The following BMPR1B variants were observed in gnomAD, a reference collection of about 807,000 sequenced individuals.
BMPR1B encodes bone morphogenetic protein receptor type-1B.
A neutral mutation model predicts 59.1 loss-of-function variants in BMPR1B; 12 were observed. The ratio of observed to expected loss-of-function variants is 0.20; its 90% CI spans 0.13 to 0.33. The LOEUF is 0.33. BMPR1B is among the 10% of genes least tolerant of loss of function. The probability of loss-of-function intolerance (pLI) is 1.00; values close to 1 mark genes in which losing one functional copy is unlikely to be tolerated. For missense variants in BMPR1B, 550 were observed against 610.9 expected, an observed-to-expected ratio of 0.90 and a Z score of 1.05; for synonymous variants, 237 against 207.3, an observed-to-expected ratio of 1.14 and a Z score of -1.23.
intron 1 of BMPR1B, among the ~76,000 whole-genome samples, chr4:94,780,682 C>CTTTTTTTTTTTT (rs869117575): frequency 2.4e-5 from 2 of 82,342 alleles, no homozygotes; most frequent in African/African-American, 5.1e-5. Context: ...GTATTATTGT[C>CTTTTTTTTTTTT]TTTTTTTTTT....
At chr4:95,011,591 C>T (rs765276703) in intron 3 of BMPR1B, among the ~76,000 whole-genome samples, 13 of 152,130 alleles carry the variant, frequency 8.5e-5, no homozygotes, top group Admixed American at 2.6e-4. Context: ...CAAGTACCTT[C>T]CTTAAGCAGC....
At chr4:94,813,657 G>A (rs776596586) in intron 1 of BMPR1B, among the ~76,000 whole-genome samples, 5 of 152,186 alleles carry the variant, frequency 3.3e-5, no homozygotes, top group Non-Finnish European at 5.9e-5. Flanking sequence ...GTTGTAAAAG[G>A]ATAGGTTGAG....
At chr4:94,847,740 A>G (rs933487156) in intron 1 of BMPR1B, among the ~76,000 whole-genome samples, 2 of 149,446 alleles carry the variant, frequency 1.3e-5, no homozygotes, top group Admixed American at 1.3e-4. Flanking sequence ...AATTTAAACA[A>G]CTGAACTTGT....
In BMPR1B at chr4:94,850,946, A is replaced by G. The variant is rs371430549; in HGVS notation, c.-182-24885A>G. On this transcript the variant is annotated intron_variant, in intron 1 of 12. Coordinates refer to ENST00000515059, the MANE Select transcript of BMPR1B (RefSeq NM_001203.3). ...TACTTGTGTGGCTGTGGCTAGTGCA[A>G]TGACTGGCATGTGCCCTGTAAATGT... Among the ~76,000 whole-genome samples the G allele has an allele frequency of 6.3e-4, 96 of 152,326 alleles. 1 individual carries two copies. In the South Asian group the frequency reaches 0.018, roughly 29 times the overall value.
At chr4:94,847,098 G>A (rs1042778532) in intron 1 of BMPR1B, among the ~76,000 whole-genome samples, 1 of 152,044 alleles carries the variant, frequency 6.6e-6, no homozygotes, top group Non-Finnish European at 1.5e-5. Flanking sequence ...AACATTGAAT[G>A]GGAAAAAATC....
At chr4:94,954,556 G>T (rs898473800) in intron 2 of BMPR1B, among the ~76,000 whole-genome samples, 6 of 152,180 alleles carry the variant, frequency 3.9e-5, no homozygotes, top group Admixed American at 3.9e-4. Flanking sequence ...AGAATTAGAT[G>T]AGCCCATAAA....
chr4:94,770,180 G>GGTTTTTTTTTTTTTTTTTTTTTTTTT (rs771544268), intron 1 of BMPR1B, among the ~76,000 whole-genome samples: 4 of 106,252 alleles, frequency 3.8e-5, no homozygotes, highest in Non-Finnish European at 5.9e-5. Flanking sequence ...CTTCGTTTCT[G>GGTTTTTTTTTTTTTTTTTTTTTTTTT]TGTTTGTTTT....
intron 3 of BMPR1B, among the ~76,000 whole-genome samples, chr4:95,011,230 C>T (rs933494785): frequency 6.6e-6 from 1 of 152,024 alleles, no homozygotes; most frequent in African/African-American, 2.4e-5. Context: ...CTGCTCCTCT[C>T]CCTCCGCCCA....
intron 10 of BMPR1B, among the ~76,000 whole-genome samples, chr4:95,138,516 C>T (rs544353092): frequency 9.9e-5 from 15 of 152,178 alleles, no homozygotes; most frequent in African/African-American, 3.6e-4. Flanking sequence ...CAACTTGGTT[C>T]CATTCTCCCC....
At position 94,775,862 on chromosome 4, in the gene BMPR1B, C is replaced by T. The variant is rs372851248; in HGVS notation, c.-183+17794C>T. On this transcript the variant is annotated intron_variant, in intron 1 of 12. Coordinates refer to ENST00000515059, the MANE Select transcript of BMPR1B (RefSeq NM_001203.3). ...ATCCCAGCACGCTGGGAGGCGGAGG[C>T]GGGCAGATCGTGAGGACAGGAGATC... 1.1e-4 allele frequency among the ~76,000 whole-genome samples: 16 copies of T among 152,212 alleles called. No homozygotes were observed. In the South Asian group the frequency reaches 1.7e-3, roughly 16 times the overall value.
At chr4:94,951,300 C>T (rs1228333489) in intron 2 of BMPR1B, among the ~76,000 whole-genome samples, 2 of 152,140 alleles carry the variant, frequency 1.3e-5, no homozygotes, top group Admixed American at 1.3e-4. Flanking sequence ...CCAGAACTTC[C>T]AATACTATGT....
At chr4:94,801,221 A>T (rs1723394906) in intron 1 of BMPR1B, among the ~76,000 whole-genome samples, 1 of 152,198 alleles carries the variant, frequency 6.6e-6, no homozygotes, top group Non-Finnish European at 1.5e-5. Flanking sequence ...TTCTCTTTCC[A>T]GTCCAGTGTC....
intron 2 of BMPR1B, among the ~76,000 whole-genome samples, chr4:94,887,253 C>G (rs1235252319): frequency 1.3e-5 from 2 of 149,868 alleles, no homozygotes; most frequent in South Asian, 2.1e-4. Context: ...AAAAAAGGTG[C>G]CTTTAAACTA....
At chr4:95,076,950 C>G (rs1422691622) in intron 3 of BMPR1B, among the ~76,000 whole-genome samples, 2 of 152,034 alleles carry the variant, frequency 1.3e-5, no homozygotes, top group Non-Finnish European at 2.9e-5. Flanking sequence ...TCCTAAGAAC[C>G]TTAGAACTGT....
Position 95,124,993 on chromosome 4 carries a change from C to G in BMPR1B, c.457C>G (p.Gln153Glu). The change falls in exon 8 of 13, where the codon CAA becomes GAA. Residue 153 changes from glutamine (Q) to glutamate (E), a missense_variant. Gln to Glu is a conservative substitution (Grantham distance 29). Transcript: ENST00000515059. ...TCTATCCATCTTTAGGTATAAAAGACAAGAAACCAGACCTCGATACAGCAT... is the reference window on the plus strand; with the variant it reads ...TCTATCCATCTTTAGGTATAAAAGAGAAGAAACCAGACCTCGATACAGCAT... The part of the protein sequence containing the change: ...ILFCYFRYKR[Q>E]ETRPRYSIGL... 2 of 1,612,762 alleles carry G rather than the reference C, an allele frequency of 1.2e-6. No homozygotes were observed. The highest frequency in any genetic ancestry group is 1.7e-6 in the Non-Finnish European group (2 of 1,178,914).
intron 12 of BMPR1B, 40 bp downstream of exon 12, chr4:95,152,813 A>T: frequency 6.2e-7 from 1 of 1,604,434 alleles, no homozygotes; most frequent in East Asian, 2.2e-5. Context: ...ACAGACTTCT[A>T]AATAGACTTT....
chr4:95,058,929 T>C (rs1470277827), intron 3 of BMPR1B, among the ~76,000 whole-genome samples: 1 of 152,214 alleles, frequency 6.6e-6, no homozygotes, highest in Non-Finnish European at 1.5e-5. Flanking sequence ...ATATTTGTCT[T>C]GGTTAGAGTT....
At chr4:95,139,050 C>T (rs1384033734) in intron 10 of BMPR1B, among the ~76,000 whole-genome samples, 1 of 152,150 alleles carries the variant, frequency 6.6e-6, no homozygotes, top group African/African-American at 2.4e-5. Context: ...GTGGTTTTAT[C>T]TGCCTTTGGT....
At chr4:95,122,537 G>T (rs2149289300) in intron 6 of BMPR1B, among the ~76,000 whole-genome samples, 1 of 152,048 alleles carries the variant, frequency 6.6e-6, no homozygotes, top group South Asian at 2.1e-4. Context: ...TTGTTGTTCT[G>T]GAAAATGTTC....
Sources: gnomAD v4.1 joint callset for allele counts (sites outside exome capture counted in the v4.1 genomes callset) on GRCh38, gnomAD v4.1.1 for gene constraint, MANE v1.5 for transcripts, NCBI Gene and HGNC (gene_info 2026-07-23, HGNC 2026-07-21) for gene names.